EPHA5: variants seen among roughly 807,000 people sequenced by gnomAD.
EPHA5 encodes ephrin type-A receptor 5.
Under a neutral mutation model 105.0 loss-of-function variants are expected in EPHA5, and 60 were observed. The ratio of observed to expected loss-of-function variants is 0.57; its 90% CI spans 0.46 to 0.71. The LOEUF is 0.71. Among genes scored for constraint, EPHA5 ranks in the 30% least tolerant of loss-of-function variants. The probability of loss-of-function intolerance (pLI) is 0.00; values close to 1 mark genes in which losing one functional copy is unlikely to be tolerated. For synonymous variants in EPHA5, 513 were observed against 449.1 expected (o/e 1.14, Z -1.80); for missense variants, 1,218 against 1,274.7 (o/e 0.96, Z 0.68).
intron 1 of EPHA5, among the ~76,000 whole-genome samples, chr4:65,646,627 T>A (rs1253177169): frequency 2.6e-5 from 4 of 152,176 alleles, no homozygotes; most frequent in African/African-American, 4.8e-5. Flanking sequence ...TACCTATTGA[T>A]GCCACTAGAA....
intron 3 of EPHA5, among the ~76,000 whole-genome samples, chr4:65,567,372 C>G (rs779725030): frequency 6.6e-6 from 1 of 151,528 alleles, no homozygotes; most frequent in African/African-American, 2.4e-5. Flanking sequence ...AACCGACAAT[C>G]CTCATCATTA....
chr4:65,453,677 C>T (rs183377035), intron 5 of EPHA5, among the ~76,000 whole-genome samples: 2 of 152,248 alleles, frequency 1.3e-5, no homozygotes, highest in Admixed American at 1.3e-4. Flanking sequence ...CACATGCTCC[C>T]CCGACCAGTG....
At chr4:65,595,654 C>A (rs2149425176) in intron 3 of EPHA5, among the ~76,000 whole-genome samples, 1 of 151,024 alleles carries the variant, frequency 6.6e-6, no homozygotes, top group East Asian at 1.9e-4. Flanking sequence ...GATCTCCACT[C>A]ACTGCAAGCT....
At chr4:65,618,797 A>G (rs1745464199) in intron 2 of EPHA5, among the ~76,000 whole-genome samples, 1 of 152,230 alleles carries the variant, frequency 6.6e-6, no homozygotes. Flanking sequence ...TAGAGAGCCA[A>G]TAAATGAGTA....
intron 2 of EPHA5, among the ~76,000 whole-genome samples, chr4:65,615,750 T>G (rs1253305610): frequency 6.6e-6 from 1 of 151,886 alleles, no homozygotes; most frequent in African/African-American, 2.4e-5. Flanking sequence ...ATACCCCTAT[T>G]TGAAATGAAT....
intron 3 of EPHA5, chr4:65,573,783 C>G: frequency 6.2e-7 from 1 of 1,613,630 alleles, no homozygotes; most frequent in Non-Finnish European, 8.5e-7. Flanking sequence ...GGTGGTTAAA[C>G]TTCGCAAAAT....
chr4:65,386,097 G>A (rs569685209), intron 8 of EPHA5, among the ~76,000 whole-genome samples: 1 of 151,672 alleles, frequency 6.6e-6, no homozygotes, highest in South Asian at 2.1e-4. Context: ...TTTATATCCC[G>A]TGCAAAATAA....
chr4:65,494,302 A>G (rs1385090329), intron 4 of EPHA5, among the ~76,000 whole-genome samples: 1 of 152,216 alleles, frequency 6.6e-6, no homozygotes, highest in Non-Finnish European at 1.5e-5. Flanking sequence ...TGATTATTTG[A>G]TAACAAAAAA....
At chr4:65,331,542 G>A (rs1720617097) in intron 16 of EPHA5, 1 of 1,055,328 alleles carries the variant, frequency 9.5e-7, no homozygotes, top group African/African-American at 1.6e-5. Context: ...CTGTTACCTT[G>A]ATATTCATCG....
intron 8 of EPHA5, among the ~76,000 whole-genome samples, chr4:65,393,965 G>T (rs1388374281): frequency 1.3e-5 from 2 of 152,114 alleles, no homozygotes; most frequent in Admixed American, 6.5e-5. Context: ...ATATCTACTG[G>T]GGTGACAGAT....
chr4:65,449,032 C>G (rs1726829277), intron 5 of EPHA5, among the ~76,000 whole-genome samples: 1 of 151,954 alleles, frequency 6.6e-6, no homozygotes, highest in African/African-American at 2.4e-5. Context: ...CAGTTTTATA[C>G]TTGTCAAAGT....
At chr4:65,348,321 C>T (rs918663244) in intron 13 of EPHA5, 118 bp from the exon 14 acceptor site, 4 of 916,140 alleles carry the variant, frequency 4.4e-6, no homozygotes, top group South Asian at 3.4e-5. Flanking sequence ...ATCTGTTTGA[C>T]AGCGCGCAGT....
At chr4:65,418,697 A>G (rs1463834974) in intron 6 of EPHA5, among the ~76,000 whole-genome samples, 1 of 151,986 alleles carries the variant, frequency 6.6e-6, no homozygotes, top group East Asian at 1.9e-4. Context: ...AGAAACATTA[A>G]AAACCTGTAA....
At chr4:65,487,472 C>T (rs1181827517) in intron 5 of EPHA5, among the ~76,000 whole-genome samples, 1 of 152,124 alleles carries the variant, frequency 6.6e-6, no homozygotes, top group African/African-American at 2.4e-5. Context: ...CAGCCAGAAT[C>T]CACAGGATTC....
chr4:65,361,179 A>G (rs1328647264), intron 11 of EPHA5, among the ~76,000 whole-genome samples: 1 of 151,648 alleles, frequency 6.6e-6, no homozygotes, highest in Non-Finnish European at 1.5e-5. Flanking sequence ...CAGCTATTCA[A>G]CATAATTGAA....
intron 2 of EPHA5, among the ~76,000 whole-genome samples, chr4:65,614,258 A>G (rs1745032000): frequency 6.6e-6 from 1 of 151,844 alleles, no homozygotes; most frequent in Admixed American, 6.6e-5. Context: ...ACAAGCTGTT[A>G]ACTGCCTTTT....
intron 5 of EPHA5, among the ~76,000 whole-genome samples, chr4:65,465,417 C>T (rs1056165673): frequency 2.0e-5 from 3 of 147,602 alleles, no homozygotes; most frequent in Non-Finnish European, 4.4e-5. Flanking sequence ...CAGGGTGAGA[C>T]TCCATCCCCC....
intron 14 of EPHA5, among the ~76,000 whole-genome samples, chr4:65,346,083 T>A (rs1577872575): frequency 1.5e-5 from 1 of 65,406 alleles, no homozygotes; most frequent in Non-Finnish European, 3.5e-5. Flanking sequence ...CTTTTCTCTC[T>A]CTTTTTTTTT....
chr4:65,326,432 A>C (rs1720087947), intron 16 of EPHA5, among the ~76,000 whole-genome samples: 1 of 151,390 alleles, frequency 6.6e-6, no homozygotes, highest in African/African-American at 2.4e-5. Context: ...AAATGTCCAA[A>C]ATTCTAAAAG....
Sources: allele counts gnomAD v4.1 joint callset (sites outside exome capture counted in the v4.1 genomes callset), GRCh38; gene constraint gnomAD v4.1.1; transcripts MANE v1.5; gene names NCBI Gene and HGNC (gene_info 2026-07-23, HGNC 2026-07-21).